INSR: variants seen among roughly 807,000 people sequenced by gnomAD.
INSR encodes the protein IR.
In INSR, 67 loss-of-function variants were observed where a neutral mutation model predicts 142.6. The ratio of observed to expected loss-of-function variants is 0.47; its 90% CI spans 0.39 to 0.58. INSR has a LOEUF of 0.58. Ranked by LOEUF, INSR falls within the 20% of genes least tolerant of loss-of-function variation. The pLI is 0.00. For missense variants in INSR, 1,248 were observed against 1,833.2 expected, an observed-to-expected ratio of 0.68 and a Z score of 5.83; for synonymous variants, 756 against 743.1, an observed-to-expected ratio of 1.02 and a Z score of -0.28.
intron 20 of INSR, among the ~76,000 whole-genome samples, chr19:7,120,029 A>C (rs916318408): frequency 6.6e-6 from 1 of 152,110 alleles, no homozygotes; most frequent in East Asian, 1.9e-4. Flanking sequence ...AAATCACTAA[A>C]CTCAAGGAAA....
chr19:7,139,821 C>T (rs375199512), intron 13 of INSR, among the ~76,000 whole-genome samples: 43 of 115,684 alleles, frequency 3.7e-4, no homozygotes, highest in Admixed American at 5.4e-4. Context: ...GTTGCGTATT[C>T]TTTTTTTTTT....
intron 2 of INSR, among the ~76,000 whole-genome samples, chr19:7,243,234 G>GTTTTTTTTTTTTTT (rs1161289283): frequency 2.9e-5 from 2 of 68,178 alleles, no homozygotes; most frequent in Non-Finnish European, 5.1e-5. Context: ...CACTGTTTTG[G>GTTTTTTTTTTTTTT]TTTTTTTTTT....
chr19:7,263,733 T>TCAGGCACAGC (rs911101848), intron 2 of INSR, among the ~76,000 whole-genome samples: 7 of 152,218 alleles, frequency 4.6e-5, no homozygotes, highest in Admixed American at 2.6e-4. Flanking sequence ...ACTCAAAACA[T>TCAGGCACAGC]CAGGCACAGC....
intron 13 of INSR, 125 bp downstream of exon 13, chr19:7,141,552 T>C (rs1271148453): frequency 4.4e-6 from 6 of 1,375,620 alleles, no homozygotes; most frequent in Admixed American, 2.0e-5. Flanking sequence ...TAAGTACTAA[T>C]AGCACAGTAC....
Position 7,117,341 on chromosome 19 carries a change from G to T in INSR, c.3864C>A (p.Asn1288Lys), listed in dbSNP as rs1268743378. Residue 1288 changes from asparagine to lysine, a missense_variant, in exon 22 of 22, where the codon AAC (asparagine) becomes AAA (lysine). Around this residue, in one of 3 missense-constraint regions of INSR, gnomAD observed 122 missense variants for 129.8 expected, o/e 0.94. Transcript: ENST00000302850. ...TGGGGTGCAGGTCGTCCTTGAGCAG[G>T]TTGACAATCTCCAGGAAGGTTGGCC... ...KMRPTFLEIV[N>K]LLKDDLHPSF... 1 of 1,614,140 alleles carries T rather than the reference G, an allele frequency of 6.2e-7. No individual in the cohort carries two copies. Among genetic ancestry groups the T allele is most frequent in the Admixed American group, 1.7e-5 (1 of 60,028 alleles).
At chr19:7,123,181 T>TTA in intron 17 of INSR, 192 bp from the exon 18 acceptor site, 12 of 549,390 alleles carry the variant, frequency 2.2e-5, no homozygotes, top group East Asian at 6.3e-5. Context: ...TTTTTTTTTT[T>TTA]AATTTTCGAG....
chr19:7,174,843 G>T, intron 3 of INSR, 112 bp from the exon 4 acceptor site: 1 of 1,052,626 alleles, frequency 9.5e-7, no homozygotes, highest in Non-Finnish European at 1.4e-6. Flanking sequence ...ATTTCTTTGT[G>T]TGTGTGTGTG....
Position 7,122,604 on chromosome 19 carries a change from C to A in INSR, c.3529+10G>T, listed in dbSNP as rs1213500991. 6.2e-7 allele frequency: 1 copy of A among 1,614,146 alleles called. No individual in the cohort carries two copies. Among genetic ancestry groups the A allele is most frequent in the South Asian group, 1.1e-5 (1 of 91,088 alleles). ...GTCGTTATGTTTTCAAAGCAGAAAG[C>A]CAGACGAACCTCCAATTTTGACAGT... On this transcript the variant is annotated intron_variant, in intron 19 of 21. Transcript: ENST00000302850.
intron 2 of INSR, among the ~76,000 whole-genome samples, chr19:7,255,236 TCCTC>T (rs1449054330): frequency 6.6e-6 from 1 of 152,070 alleles, no homozygotes; most frequent in Non-Finnish European, 1.5e-5. Context: ...TACTTTGACT[TCCTC>T]CCTGACTCAG....
At chr19:7,220,935 C>T (rs1336549190) in intron 2 of INSR, among the ~76,000 whole-genome samples, 3 of 152,008 alleles carry the variant, frequency 2.0e-5, no homozygotes, top group Non-Finnish European at 4.4e-5. Flanking sequence ...TGGATTAATC[C>T]ATTCATGGAT....
At chr19:7,264,548 G>T (rs1196291972) in intron 2 of INSR, among the ~76,000 whole-genome samples, 1 of 152,188 alleles carries the variant, frequency 6.6e-6, no homozygotes, top group Non-Finnish European at 1.5e-5. Context: ...TAGAATAAAA[G>T]AATGTTCACT....
intron 11 of INSR, among the ~76,000 whole-genome samples, chr19:7,147,145 T>G (rs193112617): frequency 6.6e-6 from 1 of 152,268 alleles, no homozygotes; most frequent in East Asian, 1.9e-4. Flanking sequence ...ATTTCTGCTT[T>G]GGCCCGATAG....
chr19:7,147,011 A>G (rs1468913562), intron 11 of INSR, among the ~76,000 whole-genome samples: 1 of 152,074 alleles, frequency 6.6e-6, no homozygotes, highest in Non-Finnish European at 1.5e-5. Context: ...TTATTTCTTA[A>G]TTTATCAATC....
At chr19:7,133,851 G>A (rs1599883957) in intron 13 of INSR, among the ~76,000 whole-genome samples, 1 of 152,182 alleles carries the variant, frequency 6.6e-6, no homozygotes, top group Non-Finnish European at 1.5e-5. Flanking sequence ...GACAGAGCAA[G>A]ACTCCATCTC....
intron 3 of INSR, among the ~76,000 whole-genome samples, chr19:7,177,676 C>G (rs138732172): frequency 0.013 from 1,944 of 149,854 alleles, 19 homozygotes; most frequent in Non-Finnish European, 0.022. Flanking sequence ...TACAGGCATG[C>G]ACCACCATGC....
intron 2 of INSR, among the ~76,000 whole-genome samples, chr19:7,186,957 C>T (rs1974449045): frequency 6.6e-6 from 1 of 151,934 alleles, no homozygotes; most frequent in South Asian, 2.1e-4. Flanking sequence ...CCTGCCTCAG[C>T]CTCCCAAAGT....
intron 2 of INSR, among the ~76,000 whole-genome samples, chr19:7,235,088 A>T (rs1476355752): frequency 5.3e-5 from 8 of 151,908 alleles, no homozygotes; most frequent in African/African-American, 1.7e-4. Flanking sequence ...ATAACAAAAT[A>T]AAAAAAATTT....
chr19:7,141,526 T>A (rs1436286693), intron 13 of INSR, 151 bp downstream of exon 13: 8 of 1,078,350 alleles, frequency 7.4e-6, no homozygotes, highest in Non-Finnish European at 9.6e-6. Flanking sequence ...TCCTGCGAAG[T>A]CAGGTATCAA....
At position 7,128,904 on chromosome 19, in the gene INSR, C is replaced by T. The variant is rs1280056812; in HGVS notation, c.2893G>A (p.Val965Ile). The part of the protein sequence containing the change: ...AKIIIGPLIF[V>I]FLFSVVIGSI... ...CCAATCACAACACTGAAGAGAAAGA[C>T]AAAGATGAGGGGGCCGATGATAATT... Residue 965 changes from valine (V) to isoleucine (I), a missense_variant, in exon 15 of 22, where the codon GTC becomes ATC. By Grantham distance (29) the Val-to-Ile change is conservative. Around this residue, in one of 3 missense-constraint regions of INSR, gnomAD observed 1,069 missense variants for 1,654.0 expected, o/e 0.65. Transcript: ENST00000302850. 3 of 1,614,044 alleles carry T rather than the reference C, an allele frequency of 1.9e-6. No homozygotes were observed. Among genetic ancestry groups the T allele is most frequent in the Admixed American group, 3.3e-5 (2 of 60,018 alleles).
Sources: allele counts gnomAD v4.1 joint callset (sites outside exome capture counted in the v4.1 genomes callset), GRCh38; gene constraint gnomAD v4.1.1; regional missense constraint gnomAD v4.1.1; transcripts MANE v1.5; gene names NCBI Gene and HGNC (gene_info 2026-07-23, HGNC 2026-07-21).